The following ARHGAP15 variants were observed in gnomAD, a reference collection of about 807,000 sequenced individuals.
The protein encoded by ARHGAP15 is Rho GTPase activating protein 15.
In ARHGAP15, 51 loss-of-function variants were observed where a neutral mutation model predicts 63.7. The ratio of observed to expected loss-of-function variants is 0.80; its 90% CI spans 0.64 to 1.01. The LOEUF is 1.01. Among genes scored for constraint, ARHGAP15 ranks in the 50% least tolerant of loss-of-function variants. The pLI is 0.00. For missense variants in ARHGAP15, 560 were observed against 564.6 expected, an observed-to-expected ratio of 0.99 and a Z score of 0.08; for synonymous variants, 191 against 193.8, an observed-to-expected ratio of 0.99 and a Z score of 0.12.
chr2:143,210,742 T>A (rs1692531272), intron 3 of ARHGAP15, among the ~76,000 whole-genome samples: 1 of 152,136 alleles, frequency 6.6e-6, no homozygotes. Context: ...CATGCTGAAA[T>A]CAAACACGCT....
chr2:143,522,962 G>A (rs1694118200), intron 10 of ARHGAP15, among the ~76,000 whole-genome samples: 1 of 152,160 alleles, frequency 6.6e-6, no homozygotes, highest in African/African-American at 2.4e-5. Context: ...GGGCCTAGGA[G>A]ACCTGAAGTA....
chr2:143,611,036 G>T (rs991916061), intron 11 of ARHGAP15, among the ~76,000 whole-genome samples: 1 of 152,078 alleles, frequency 6.6e-6, no homozygotes, highest in Admixed American at 6.6e-5. Flanking sequence ...GCCTTTTACA[G>T]TGTATGTAAG....
intron 11 of ARHGAP15, chr2:143,587,820 A>G (rs1697168524): frequency 2.2e-6 from 1 of 457,546 alleles, no homozygotes; most frequent in African/African-American, 2.0e-5. Context: ...TTAAACTGGT[A>G]TTTATATTTA....
intron 13 of ARHGAP15, among the ~76,000 whole-genome samples, chr2:143,707,806 C>T (rs1684399012): frequency 6.6e-6 from 1 of 152,128 alleles, no homozygotes; most frequent in Non-Finnish European, 1.5e-5. Flanking sequence ...CTTTCTGCTT[C>T]AACTTGGAGA....
At chr2:143,267,603 T>C (rs1306302477) in intron 6 of ARHGAP15, among the ~76,000 whole-genome samples, 2 of 152,154 alleles carry the variant, frequency 1.3e-5, no homozygotes, top group African/African-American at 4.8e-5. Flanking sequence ...AGTATTTGCT[T>C]TCAGTAATTG....
rs143734041 is a variant in ARHGAP15, at chr2:143,721,472, G to A, written c.1244+17948G>A. Among the ~76,000 whole-genome samples the A allele has an allele frequency of 1.8e-3, 275 of 152,298 alleles. 1 individual carries two copies. The highest frequency in any genetic ancestry group is 6.4e-3 in the African/African-American group (268 of 41,552). ...AAATGAGGTGCCTACTCTGCAAAGTGTCCAGCTGTAGTGCTGTGGCAGGGG... is the reference window on the plus strand; with the variant it reads ...AAATGAGGTGCCTACTCTGCAAAGTATCCAGCTGTAGTGCTGTGGCAGGGG... On this transcript the variant is annotated intron_variant, in intron 13 of 13. Transcript: ENST00000295095.
At chr2:143,404,518 G>A (rs909760543) in intron 6 of ARHGAP15, among the ~76,000 whole-genome samples, 2 of 151,886 alleles carry the variant, frequency 1.3e-5, no homozygotes, top group African/African-American at 2.4e-5. Context: ...CCTAAAGCAT[G>A]GGTACTTCTA....
At chr2:143,362,847 C>CT (rs1417923672) in intron 6 of ARHGAP15, among the ~76,000 whole-genome samples, 1 of 152,126 alleles carries the variant, frequency 6.6e-6, no homozygotes, top group Non-Finnish European at 1.5e-5. Flanking sequence ...AACACATCTG[C>CT]TTTTTTCTGT....
intron 2 of ARHGAP15, among the ~76,000 whole-genome samples, chr2:143,177,691 A>G (rs546970726): frequency 1.3e-5 from 2 of 152,122 alleles, no homozygotes; most frequent in African/African-American, 4.8e-5. Flanking sequence ...CTAACATATG[A>G]TTTGCTTTTT....
chr2:143,337,090 C>T (rs1274876233), intron 6 of ARHGAP15, among the ~76,000 whole-genome samples: 2 of 151,792 alleles, frequency 1.3e-5, no homozygotes, highest in Non-Finnish European at 2.9e-5. Context: ...AGGGAGTTTT[C>T]GGTGAGGTGG....
chr2:143,691,304 C>T (rs1400593452), intron 12 of ARHGAP15, among the ~76,000 whole-genome samples: 1 of 152,120 alleles, frequency 6.6e-6, no homozygotes, highest in East Asian at 1.9e-4. Context: ...GGGTGTCACT[C>T]TGAGTGGTAG....
intron 6 of ARHGAP15, 135 bp downstream of exon 6, chr2:143,250,735 C>T: frequency 1.5e-6 from 1 of 653,604 alleles, no homozygotes; most frequent in Non-Finnish European, 2.5e-6. Context: ...TGAAAGGCGA[C>T]TCCTCTTCCC....
intron 2 of ARHGAP15, among the ~76,000 whole-genome samples, chr2:143,167,077 A>G (rs1484103970): frequency 6.6e-6 from 1 of 152,128 alleles, no homozygotes; most frequent in Non-Finnish European, 1.5e-5. Context: ...ACGAAAACTG[A>G]ACACAGACAT....
At position 143,604,055 on chromosome 2, in the gene ARHGAP15, A is replaced by G. The variant is rs1697884792; in HGVS notation, c.1004-20078A>G. ...AAACCATTTCCTGACAATGAAATCC[A>G]TTAGACTACGAAATAATCTCTCAAA... On this transcript the variant is annotated intron_variant, in intron 11 of 13. Transcript: ENST00000295095. Among the ~76,000 whole-genome samples, 5 of 152,214 alleles carry G rather than the reference A, an allele frequency of 3.3e-5. No individual in the cohort carries two copies. In the South Asian group the frequency reaches 1.0e-3, roughly 32 times the overall value.
chr2:143,463,036 C>T (rs1011957819), intron 8 of ARHGAP15, among the ~76,000 whole-genome samples: 18 of 152,232 alleles, frequency 1.2e-4, no homozygotes, highest in Non-Finnish European at 2.1e-4. Context: ...TGCAGCCCAA[C>T]ACAAATTCAT....
intron 8 of ARHGAP15, among the ~76,000 whole-genome samples, chr2:143,484,096 G>T (rs541673252): frequency 6.6e-6 from 1 of 152,224 alleles, no homozygotes; most frequent in South Asian, 2.1e-4. Flanking sequence ...AGGCGTGGTA[G>T]CTCACACCTG....
chr2:143,400,339 C>T (rs545896748), intron 6 of ARHGAP15, among the ~76,000 whole-genome samples: 7 of 152,020 alleles, frequency 4.6e-5, no homozygotes, highest in African/African-American at 1.7e-4. Flanking sequence ...GGAGTTTGCA[C>T]TTCAAACTAC....
intron 6 of ARHGAP15, among the ~76,000 whole-genome samples, chr2:143,400,072 C>G (rs1687928433): frequency 6.6e-6 from 1 of 151,946 alleles, no homozygotes; most frequent in African/African-American, 2.4e-5. Flanking sequence ...TGACAAAGCT[C>G]CATTAGTATC....
intron 6 of ARHGAP15, among the ~76,000 whole-genome samples, chr2:143,327,969 A>G (rs536630806): frequency 6.6e-6 from 1 of 152,326 alleles, no homozygotes; most frequent in East Asian, 1.9e-4. Context: ...AAAAGAAGAC[A>G]TTTATGTGGC....
Sources: gnomAD v4.1 joint callset for allele counts (sites outside exome capture counted in the v4.1 genomes callset) on GRCh38, gnomAD v4.1.1 for gene constraint, MANE v1.5 for transcripts, NCBI Gene and HGNC (gene_info 2026-07-23, HGNC 2026-07-21) for gene names.